Variants in TATDN2 observed in about 807,000 individuals in gnomAD.
TATDN2 encodes the protein 3'-5' RNA nuclease TATDN2.
A neutral mutation model predicts 60.3 loss-of-function variants in TATDN2; 44 were observed. That is an observed-to-expected ratio of 0.73 (90% CI 0.57 to 0.94). The LOEUF (loss-of-function observed/expected upper bound fraction) is 0.94. Among genes scored for constraint, TATDN2 ranks in the 40% least tolerant of loss-of-function variants. The pLI is 0.00. For missense variants in TATDN2, 997 were observed against 948.0 expected (o/e 1.05, Z -0.68); for synonymous variants, 399 against 355.8 (o/e 1.12, Z -1.37).
At chr3:10,262,122 C>G (rs180728746) in intron 3 of TATDN2, among the ~76,000 whole-genome samples, 12 of 152,338 alleles carry the variant, frequency 7.9e-5, no homozygotes, top group Admixed American at 5.2e-4. Flanking sequence ...AAATCCTTCT[C>G]AATACTGTCA....
Position 10,249,032 on chromosome 3 carries a change from G to A in TATDN2, c.-42G>A, listed in dbSNP as rs540073294. 2.0e-4 allele frequency: 145 copies of A among 721,718 alleles called. No homozygotes were observed. The African/African-American group carries it at 2.3e-3, about 12-fold the overall frequency. 44.7% of individuals were successfully genotyped at this position (721,718 alleles called of 1,614,324 possible). The stretch of plus-strand genomic sequence containing the variant: ...CACGGTTTGGCATCTCTGAAACCTT[G>A]AGAACTGTGATGGGCAGTGGAAAGA... On this transcript the variant is annotated 5_prime_UTR_variant, in exon 1 of 8. Coordinates refer to ENST00000448281, the MANE Select transcript of TATDN2 (RefSeq NM_014760.4).
At position 10,248,882 on chromosome 3, in the gene TATDN2, A is replaced by G. The variant is rs1352081208; in HGVS notation, c.-192A>G. On this transcript the variant is annotated 5_prime_UTR_variant, in exon 1 of 8. Coordinates refer to ENST00000448281, the MANE Select transcript of TATDN2 (RefSeq NM_014760.4). ...TGATCAAAGCGCTTCGTAGCCCCGG[A>G]AGCGCTTAGGCATCTCCGAAGTAGC... is the stretch of plus-strand genomic sequence containing the variant. 3.0e-6 allele frequency: 1 copy of G among 338,192 alleles called. No homozygotes were observed. Among genetic ancestry groups the G allele is most frequent in the Non-Finnish European group, 5.3e-6 (1 of 188,224 alleles). The allele number at this position is 338,192 out of a possible 1,614,324, so 20.9% of individuals were successfully genotyped here.
rs1301453488 is a variant in TATDN2, at chr3:10,260,616, C to G, written c.894C>G (p.Cys298Trp). 2.5e-6 allele frequency: 4 copies of G among 1,614,180 alleles called. No homozygotes were observed. Among genetic ancestry groups the G allele is most frequent in the Non-Finnish European group, 3.4e-6 (4 of 1,180,024 alleles). ...LGDRRTVIDK[C>W]SPPLEFLDDS... ...ACCGAAGGACTGTCATTGACAAATG[C>G]TCTCCACCCCTAGAGTTCTTGGATG... is the stretch of plus-strand genomic sequence containing the variant. Residue 298 changes from cysteine (C) to tryptophan (W), a missense_variant, in exon 3 of 8, where the codon TGC (cysteine) becomes TGG (tryptophan). Transcript: ENST00000448281.
rs756985857 is a variant in TATDN2, at chr3:10,278,665, C to A, written c.2145+203C>A. 1 of 966,162 alleles carries A rather than the reference C, an allele frequency of 1.0e-6. No homozygotes were observed. The highest frequency in any genetic ancestry group is 2.0e-5 in the Admixed American group (1 of 50,520). 59.8% of individuals were successfully genotyped at this position (966,162 alleles called of 1,614,324 possible). ...TGAAGGGTAACCACTCTCTTCCAGG[C>A]AGTGCAAAGCCCTACCCTGTAGAGG... On this transcript the variant is annotated intron_variant, in intron 6 of 7. Coordinates refer to ENST00000448281, the MANE Select transcript of TATDN2 (RefSeq NM_014760.4). The surrounding 1 kb of genome is among the most constrained non-coding windows in gnomAD (Gnocchi z 4.7).
chr3:10,255,070 T>C (rs1698288463), intron 2 of TATDN2, among the ~76,000 whole-genome samples: 1 of 131,806 alleles, frequency 7.6e-6, no homozygotes, highest in African/African-American at 2.8e-5. Context: ...TGAAGTGCAG[T>C]GGTGCAATTG....
intron 5 of TATDN2, 35 bp downstream of exon 5, chr3:10,276,523 G>GA: frequency 1.2e-6 from 2 of 1,602,890 alleles, no homozygotes; most frequent in Middle Eastern, 1.7e-4. Flanking sequence ...GCAAATGAAA[G>GA]AAACACTTCC....
intron 3 of TATDN2, 36 bp downstream of exon 3, chr3:10,260,706 G>T: frequency 6.3e-7 from 1 of 1,585,152 alleles, no homozygotes; most frequent in Non-Finnish European, 8.6e-7. Flanking sequence ...TGACTTTTTA[G>T]TTCTGTTGAT....
At position 10,279,707 on chromosome 3, in the gene TATDN2, C is replaced by CCT. The variant is rs1306237803; in HGVS notation, c.*527_*528dup. 3 of 152,212 alleles carry CCT rather than the reference C, an allele frequency of 2.0e-5. No homozygotes were observed. The highest frequency in any genetic ancestry group is 4.8e-5 in the African/African-American group (2 of 41,416). The allele number at this position is 152,212 out of a possible 1,614,324, so 9.4% of individuals were successfully genotyped here. ...ATTTTCTTGCAACCAGTGAAGTCGT[C>CCT]CTCCTCCCTTCCCTGGATAACTCTT... is the stretch of plus-strand genomic sequence containing the variant. On this transcript the variant is annotated 3_prime_UTR_variant, in exon 8 of 8. Coordinates refer to ENST00000448281, the MANE Select transcript of TATDN2 (RefSeq NM_014760.4).
Position 10,270,668 on chromosome 3 carries a change from A to G in TATDN2, c.1486A>G (p.Ile496Val), listed in dbSNP as rs1431812295. Residue 496 changes from isoleucine to valine, a missense_variant, in exon 4 of 8, where the codon ATT becomes GTT. By Grantham distance (29) the Ile-to-Val change is conservative. Transcript: ENST00000448281. ...GGAGCCAAGCCTAGAGGAGGGCTTCATTGACACTCATTGTCACCTGGACAT... is the reference window on the plus strand; with the variant it reads ...GGAGCCAAGCCTAGAGGAGGGCTTCGTTGACACTCATTGTCACCTGGACAT... Reference protein sequence around the residue: ...HLEPSLEEGFIDTHCHLDMLY... With the variant: ...HLEPSLEEGFVDTHCHLDMLY... 1.9e-6 allele frequency: 3 copies of G among 1,614,246 alleles called. No homozygotes were observed. Among genetic ancestry groups the G allele is most frequent in the Admixed American group, 3.3e-5 (2 of 60,032 alleles).
At chr3:10,267,616 G>A (rs563175362) in intron 3 of TATDN2, among the ~76,000 whole-genome samples, 33 of 152,124 alleles carry the variant, frequency 2.2e-4, no homozygotes, top group Non-Finnish European at 3.7e-4. Flanking sequence ...CATATGTCTC[G>A]TTTTTGCTGA....
chr3:10,267,204 A>G (rs1698489970), intron 3 of TATDN2, among the ~76,000 whole-genome samples: 1 of 151,788 alleles, frequency 6.6e-6, no homozygotes, highest in Non-Finnish European at 1.5e-5. Context: ...TACAGGCGTG[A>G]GCCCCCTTGC....
At chr3:10,268,753 G>C (rs1031852691) in intron 3 of TATDN2, among the ~76,000 whole-genome samples, 4 of 152,158 alleles carry the variant, frequency 2.6e-5, no homozygotes, top group Admixed American at 2.0e-4. Flanking sequence ...AATTAATTCA[G>C]CAGATATTCA....
chr3:10,279,178 G>C (rs1698687310), intron 7 of TATDN2, 43 bp from the exon 8 acceptor site: 1 of 1,116,118 alleles, frequency 9.0e-7, no homozygotes, highest in Non-Finnish European at 1.2e-6. Context: ...TGTTTTGAGT[G>C]ACATGGTTTG....
intron 3 of TATDN2, among the ~76,000 whole-genome samples, chr3:10,268,259 T>C (rs1698508614): frequency 1.3e-5 from 2 of 152,256 alleles, no homozygotes; most frequent in African/African-American, 4.8e-5. Flanking sequence ...GTAATTCATT[T>C]AAGTGTTGGT....
chr3:10,258,994 C>T (rs924508426), intron 2 of TATDN2, among the ~76,000 whole-genome samples: 4 of 152,144 alleles, frequency 2.6e-5, no homozygotes, highest in South Asian at 2.1e-4. Flanking sequence ...CTTAGCCTCC[C>T]GTGTAGCTGG....
rs754725019 is a variant in TATDN2 at position 10,270,507 on chromosome 3, C to G, written c.1325C>G (p.Ser442Cys). Residue 442 changes from serine (S) to cysteine (C), a missense_variant, in exon 4 of 8, where the codon TCC becomes TGC. Coordinates refer to ENST00000448281, the MANE Select transcript of TATDN2 (RefSeq NM_014760.4). ...RDMEASEEGW[S>C]QNSRSFRFSR... ...ATGGAGGCCTCAGAGGAAGGCTGGT[C>G]CCAGAATTCTCGTTCATTTCGCTTC... 6.2e-7 allele frequency: 1 copy of G among 1,614,162 alleles called. No homozygotes were observed. Among genetic ancestry groups the G allele is most frequent in the Non-Finnish European group, 8.5e-7 (1 of 1,180,016 alleles).
At chr3:10,272,359 C>T (rs1698578613) in intron 4 of TATDN2, among the ~76,000 whole-genome samples, 1 of 152,014 alleles carries the variant, frequency 6.6e-6, no homozygotes, top group African/African-American at 2.4e-5. Flanking sequence ...CTGCTACCTC[C>T]ACCTCCCCAG....
chr3:10,275,762 ACAAAAC>A (rs1241723433), intron 4 of TATDN2, among the ~76,000 whole-genome samples: 255 of 1,458 alleles, frequency 0.17, no homozygotes, highest in African/African-American at 0.38. Flanking sequence ...ACAAAACAAA[ACAAAAC>A]AAAAAAAAAC....
chr3:10,267,979 G>A (rs548356051), intron 3 of TATDN2, among the ~76,000 whole-genome samples: 4 of 152,304 alleles, frequency 2.6e-5, no homozygotes, highest in African/African-American at 2.4e-5. Flanking sequence ...GAAATTTTCT[G>A]TTATAACCGA....
Sources: gnomAD v4.1 joint callset for allele counts (sites outside exome capture counted in the v4.1 genomes callset) on GRCh38, gnomAD v4.1.1 for gene constraint, Gnocchi (gnomAD v3.1) non-coding constraint, MANE v1.5 for transcripts, NCBI Gene and HGNC (gene_info 2026-07-23, HGNC 2026-07-21) for gene names.